C1GALT1: variants seen among roughly 807,000 people sequenced by gnomAD.
C1GALT1 encodes the protein core 1 synthase, glycoprotein-N-acetylgalactosamine 3-beta-galactosyltransferase 1, also known as glycoprotein-N-acetylgalactosamine 3-beta-galactosyltransferase 1.
Under a neutral mutation model 31.0 loss-of-function variants are expected in C1GALT1, and 11 were observed. The ratio of observed to expected loss-of-function variants is 0.36; its 90% CI spans 0.22 to 0.59. The LOEUF is 0.59. Ranked by LOEUF, C1GALT1 falls within the 20% of genes least tolerant of loss-of-function variation. The probability of loss-of-function intolerance (pLI) is 0.79; values close to 1 mark genes in which losing one functional copy is unlikely to be tolerated. For synonymous variants in C1GALT1, 175 were observed against 143.6 expected, an observed-to-expected ratio of 1.22 and a Z score of -1.56; for missense variants, 424 against 425.2, an observed-to-expected ratio of 1.00 and a Z score of 0.03.
chr7:7,234,454 T>A lies in C1GALT1; in HGVS notation c.135T>A (p.Asp45Glu). ...CCCAGCCTAATGTTCTTCATAATGA[T>A]CCTCATGCAAGGCATTCAGATGATA... is the stretch of plus-strand genomic sequence containing the variant. ...VDTQPNVLHNDPHARHSDDNG... is the reference protein window; with the variant it reads ...VDTQPNVLHNEPHARHSDDNG... Residue 45 changes from aspartate (D) to glutamate (E), a missense_variant, in exon 2 of 4, where the codon GAT becomes GAA. Physicochemically the swap from Asp to Glu is conservative, Grantham distance 45. Coordinates refer to ENST00000436587, the MANE Select transcript of C1GALT1 (RefSeq NM_020156.5). 4 of 1,613,922 alleles carry A rather than the reference T, an allele frequency of 2.5e-6. No individual in the cohort carries two copies. The highest frequency in any genetic ancestry group is 3.4e-6 in the Non-Finnish European group (4 of 1,179,892).
chr7:7,201,791 C>T (rs759386566), intron 1 of C1GALT1, among the ~76,000 whole-genome samples: 3 of 152,202 alleles, frequency 2.0e-5, no homozygotes, highest in Admixed American at 6.5e-5. Context: ...TCAGGTTTCA[C>T]GCTTCCCTAC....
At chr7:7,222,428 G>T (rs528427327) in intron 1 of C1GALT1, among the ~76,000 whole-genome samples, 2 of 152,202 alleles carry the variant, frequency 1.3e-5, no homozygotes, top group South Asian at 4.2e-4. Flanking sequence ...TTCTATGGTT[G>T]TCTATTAGGT....
chr7:7,164,845 G>A (rs1478192836), intron 2 of C1GALT1, among the ~76,000 whole-genome samples: 2 of 152,130 alleles, frequency 1.3e-5, no homozygotes, highest in Admixed American at 1.3e-4. Flanking sequence ...CCCAATAGTT[G>A]TGGAAATAAA....
chr7:7,161,774 T>C (rs1006159910), intron 2 of C1GALT1, among the ~76,000 whole-genome samples: 1 of 152,148 alleles, frequency 6.6e-6, no homozygotes, highest in African/African-American at 2.4e-5. Flanking sequence ...ATTAGAAATA[T>C]AGGAAAACAT....
At chr7:7,214,343 T>C (rs529158068) in intron 1 of C1GALT1, among the ~76,000 whole-genome samples, 86 of 152,262 alleles carry the variant, frequency 5.6e-4, no homozygotes, top group African/African-American at 1.9e-3. Context: ...CTCTCATGCA[T>C]GCATTAAGAG....
Position 7,246,697 on chromosome 7 carries a change from G to C in C1GALT1, c.*2970G>C, listed in dbSNP as rs186116553. 320 of 152,742 alleles carry C rather than the reference G, an allele frequency of 2.1e-3. 4 individuals carry two copies. The South Asian group carries it at 0.023, about 11-fold the overall frequency. 9.5% of individuals were successfully genotyped at this position (152,742 alleles called of 1,614,324 possible). A position where few individuals can be genotyped will look rare whatever the true frequency, so the allele number is the denominator to read the frequency against. ...GCAGGGGCAGGGGCAGGGGCTAGCA[G>C]TTGTGTTTAAGCAAACTCTGCAGGT... On this transcript the variant is annotated 3_prime_UTR_variant, in exon 4 of 4. Transcript: ENST00000436587.
intron 1 of C1GALT1, among the ~76,000 whole-genome samples, chr7:7,212,546 A>G (rs1782053639): frequency 6.6e-6 from 1 of 152,246 alleles, no homozygotes; most frequent in Non-Finnish European, 1.5e-5. Flanking sequence ...ATGTCCGTAT[A>G]AGAGACCACC....
chr7:7,224,425 T>A (rs2128244076), intron 1 of C1GALT1, among the ~76,000 whole-genome samples: 1 of 149,766 alleles, frequency 6.7e-6, no homozygotes, highest in Non-Finnish European at 1.5e-5. Flanking sequence ...GTTAGAATTC[T>A]CCAGTAAAAC....
intron 2 of C1GALT1, among the ~76,000 whole-genome samples, chr7:7,174,736 A>C (rs563840155): frequency 6.6e-6 from 1 of 152,066 alleles, no homozygotes; most frequent in East Asian, 1.9e-4. Flanking sequence ...CTGTTGCTGA[A>C]GCCACTTAGA....
chr7:7,230,340 T>C (rs1783009563), intron 1 of C1GALT1, among the ~76,000 whole-genome samples: 1 of 152,208 alleles, frequency 6.6e-6, no homozygotes, highest in African/African-American at 2.4e-5. Flanking sequence ...ACAAGCCATG[T>C]AACTACTAGT....
chr7:7,199,470 T>C (rs1045101963), intron 1 of C1GALT1, among the ~76,000 whole-genome samples: 3 of 152,190 alleles, frequency 2.0e-5, no homozygotes, highest in Non-Finnish European at 4.4e-5. Context: ...ATGTGGTAAG[T>C]TTTGGAATAA....
intron 2 of C1GALT1, among the ~76,000 whole-genome samples, chr7:7,176,170 A>T (rs1780504078): frequency 6.6e-6 from 1 of 152,184 alleles, no homozygotes; most frequent in Non-Finnish European, 1.5e-5. Flanking sequence ...TTTCAGCAAA[A>T]TGGGAATTTG....
Position 7,243,807 on chromosome 7 carries a change from T to C in C1GALT1, c.*80T>C. ...CTTCTGCATTTCTGACATAGAACAC[T>C]GGAATCCCAGTGAGGAATTCTAAGT... is the stretch of plus-strand genomic sequence containing the variant. On this transcript the variant is annotated 3_prime_UTR_variant, in exon 4 of 4. Coordinates refer to ENST00000436587, the MANE Select transcript of C1GALT1 (RefSeq NM_020156.5). 9.5e-7 allele frequency: 1 copy of C among 1,050,202 alleles called. No individual in the cohort carries two copies. The highest frequency in any genetic ancestry group is 2.6e-5 in the Admixed American group (1 of 38,072). 65.1% of individuals were successfully genotyped at this position (1,050,202 alleles called of 1,614,324 possible).
chr7:7,162,698 T>C (rs973275033), intron 2 of C1GALT1, among the ~76,000 whole-genome samples: 3 of 151,596 alleles, frequency 2.0e-5, no homozygotes, highest in African/African-American at 7.2e-5. Context: ...CACACTGACT[T>C]CCACAATGGT....
chr7:7,223,603 TTA>T (rs1273684570), intron 1 of C1GALT1, among the ~76,000 whole-genome samples: 1 of 152,218 alleles, frequency 6.6e-6, no homozygotes, highest in Non-Finnish European at 1.5e-5. Flanking sequence ...CATGTGTATC[TTA>T]TATCCTGTGA....
At chr7:7,192,224 G>C (rs1004371437) in intron 1 of C1GALT1, among the ~76,000 whole-genome samples, 3 of 151,718 alleles carry the variant, frequency 2.0e-5, no homozygotes, top group African/African-American at 7.3e-5. Flanking sequence ...TGATTTTTGA[G>C]ATTTGGGTGC....
chr7:7,177,326 C>G (rs1780514748), intron 2 of C1GALT1, among the ~76,000 whole-genome samples: 1 of 152,136 alleles, frequency 6.6e-6, no homozygotes, highest in Non-Finnish European at 1.5e-5. Context: ...TAAAGCCTTC[C>G]CCTGTGTGCC....
At chr7:7,206,586 G>T in intron 1 of C1GALT1, among the ~76,000 whole-genome samples, 1 of 151,410 alleles carries the variant, frequency 6.6e-6, no homozygotes, top group East Asian at 1.9e-4. Context: ...TGAGGCAGGA[G>T]AATCGCTTGA....
At chr7:7,205,989 A>G (rs1359430983) in intron 1 of C1GALT1, among the ~76,000 whole-genome samples, 1 of 151,860 alleles carries the variant, frequency 6.6e-6, no homozygotes, top group East Asian at 1.9e-4. Context: ...TTACTGTCTC[A>G]TTTCTTTTTG....
Sources: allele counts gnomAD v4.1 joint callset (sites outside exome capture counted in the v4.1 genomes callset), GRCh38; gene constraint gnomAD v4.1.1; transcripts MANE v1.5; gene names NCBI Gene and HGNC (gene_info 2026-07-23, HGNC 2026-07-21).